Variants in SLC7A5 observed in about 807,000 individuals in gnomAD.
SLC7A5 encodes large neutral amino acids transporter small subunit 1.
SLC7A5 carries 23 observed loss-of-function variants against 50.2 expected under a neutral mutation model. The ratio of observed to expected loss-of-function variants is 0.46; its 90% CI spans 0.33 to 0.65. The LOEUF (loss-of-function observed/expected upper bound fraction) is 0.65, where lower values mean the gene tolerates loss of function less well. Ranked by LOEUF, SLC7A5 falls within the 30% of genes least tolerant of loss-of-function variation. SLC7A5 has a pLI of 0.02. For missense variants in SLC7A5, 578 were observed against 684.4 expected (o/e 0.84, Z 1.73); for synonymous variants, 393 against 330.6 (o/e 1.19, Z -2.05).
intron 1 of SLC7A5, among the ~76,000 whole-genome samples, chr16:87,859,197 G>T (rs536841831): frequency 6.6e-6 from 1 of 152,236 alleles, no homozygotes; most frequent in South Asian, 2.1e-4. Flanking sequence ...CAGCTTGAGG[G>T]ACTCAGAGCT....
intron 2 of SLC7A5, among the ~76,000 whole-genome samples, chr16:87,842,890 T>C (rs1052691939): frequency 1.3e-5 from 2 of 148,452 alleles, no homozygotes; most frequent in Non-Finnish European, 3.0e-5. Context: ...CTGGCCTCTC[T>C]CCCATCTGCT....
rs765704290 is a variant in SLC7A5, at chr16:87,838,821, G to A, written c.940-4C>T. The A allele has an allele frequency of 1.9e-6, 3 of 1,612,110 alleles. No homozygotes were observed. The highest frequency in any genetic ancestry group is 1.3e-5 in the African/African-American group (1 of 74,898). On this transcript the variant is annotated splice_region_variant and splice_polypyrimidine_tract_variant and intron_variant, in intron 5 of 9. Transcript: ENST00000261622. ...CCAGGTGATAGTTCCCGAAGTCCTA[G>A]GCAGGCACAACCAGTGAGCTGGGCC...
intron 1 of SLC7A5, among the ~76,000 whole-genome samples, chr16:87,867,399 G>A (rs1002038210): frequency 6.6e-6 from 1 of 152,208 alleles, no homozygotes; most frequent in African/African-American, 2.4e-5. Flanking sequence ...CAGCTGGAAG[G>A]CACAGGCTCT....
rs941088805 is a variant in SLC7A5 at position 87,862,480 on chromosome 16, G to A, written c.538+6405C>T. Among the ~76,000 whole-genome samples, 3 of 152,250 alleles carry A rather than the reference G, an allele frequency of 2.0e-5. No individual in the cohort carries two copies. Among genetic ancestry groups the A allele is most frequent in the African/African-American group, 7.2e-5 (3 of 41,452 alleles). Reference sequence around the variant, plus strand: ...AGCCCCCCGACCCTGGGCCTGTGCCGAGCGTGGGTGGGTGACATCATCTCG... The same window carrying A: ...AGCCCCCCGACCCTGGGCCTGTGCCAAGCGTGGGTGGGTGACATCATCTCG... On this transcript the variant is annotated intron_variant, in intron 1 of 9. Transcript: ENST00000261622. This position sits in a 1 kb window ranked among gnomAD's most constrained non-coding sequence, Gnocchi z 5.3.
chr16:87,865,936 G>A (rs932849555), intron 1 of SLC7A5, among the ~76,000 whole-genome samples: 3 of 152,166 alleles, frequency 2.0e-5, no homozygotes, highest in Non-Finnish European at 2.9e-5. Flanking sequence ...CAGGAGAATC[G>A]TTTAAACCCA....
intron 2 of SLC7A5, among the ~76,000 whole-genome samples, chr16:87,845,461 GCAGAGTCCACGCCCACCCCA>G (rs1476140067): frequency 1.8e-4 from 25 of 140,970 alleles, no homozygotes; most frequent in African/African-American, 6.0e-4. Context: ...CCCACTCCAG[GCAGAGTCCACGCCCACCCCA>G]CAGAGTCCAC....
chr16:87,866,204 C>A (rs1413198842), intron 1 of SLC7A5, among the ~76,000 whole-genome samples: 1 of 151,986 alleles, frequency 6.6e-6, no homozygotes. Context: ...ATGGCAAAAC[C>A]ATTTTAGGCT....
intron 2 of SLC7A5, among the ~76,000 whole-genome samples, chr16:87,843,468 G>C (rs561920480): frequency 1.4e-5 from 2 of 145,484 alleles, no homozygotes; most frequent in South Asian, 4.4e-4. Context: ...GGCTGGTCCA[G>C]CTCTGCTTAA....
In SLC7A5 at chr16:87,843,695, G is replaced by A. The variant is rs534925290; in HGVS notation, c.665-2540C>T. 1.3e-4 allele frequency among the ~76,000 whole-genome samples: 20 copies of A among 152,294 alleles called. 1 individual carries two copies. In the South Asian group the frequency reaches 3.9e-3, roughly 30 times the overall value. On this transcript the variant is annotated intron_variant, in intron 2 of 9. Coordinates refer to ENST00000261622, the MANE Select transcript of SLC7A5 (RefSeq NM_003486.7). ...CACACCGGGAGACCTGGGCTGTCAC[G>A]ACGGCGGGGTGCGGCGCTACTGGCA...
intron 1 of SLC7A5, among the ~76,000 whole-genome samples, chr16:87,854,231 G>A (rs1041303687): frequency 5.9e-5 from 9 of 152,106 alleles, no homozygotes; most frequent in African/African-American, 1.4e-4. Context: ...GGCGGGGGCC[G>A]GGTCTTGAAG....
At position 87,869,411 on chromosome 16, in the gene SLC7A5, C is replaced by G; in HGVS notation, c.12G>C (p.Ala4=). MAG[A]GPKRRALAAP... ...CCGCTAGCGCGCGCCGCTTCGGGCCCGCACCCGCCATGCTCTGCGCACCGG... is the reference window on the plus strand; with the variant it reads ...CCGCTAGCGCGCGCCGCTTCGGGCCGGCACCCGCCATGCTCTGCGCACCGG... The change falls in exon 1 of 10, where the codon GCG becomes GCC. Residue 4 remains alanine (A), a synonymous_variant. Transcript: ENST00000261622. 2.7e-6 allele frequency: 4 copies of G among 1,494,976 alleles called. No homozygotes were observed. The highest frequency in any genetic ancestry group is 1.3e-5 in the South Asian group (1 of 75,210). 92.6% of individuals were successfully genotyped at this position (1,494,976 alleles called of 1,614,324 possible).
rs1221887052 is a variant in SLC7A5 at position 87,833,445 on chromosome 16, G to C, written c.1469-420C>G. Among the ~76,000 whole-genome samples, 1 of 152,220 alleles carries C rather than the reference G, an allele frequency of 6.6e-6. No homozygotes were observed. Among genetic ancestry groups the C allele is most frequent in the Non-Finnish European group, 1.5e-5 (1 of 68,032 alleles). On this transcript the variant is annotated intron_variant, in intron 9 of 9. Coordinates refer to ENST00000261622, the MANE Select transcript of SLC7A5 (RefSeq NM_003486.7). This position sits in a 1 kb window ranked among gnomAD's most constrained non-coding sequence, Gnocchi z 6.0. ...GGCCGGAGGGGCCAATCTGCTAACGGGTCCTCGGAAGACCTGTCGCGCCTG... is the reference window on the plus strand; with the variant it reads ...GGCCGGAGGGGCCAATCTGCTAACGCGTCCTCGGAAGACCTGTCGCGCCTG...
intron 8 of SLC7A5, among the ~76,000 whole-genome samples, chr16:87,835,255 C>T (rs914334548): frequency 6.6e-6 from 1 of 152,252 alleles, no homozygotes; most frequent in Non-Finnish European, 1.5e-5. Context: ...CCCCAGGGAA[C>T]AGACGCCAAC....
In SLC7A5 at chr16:87,833,779, G is replaced by A. The variant is rs1049444942; in HGVS notation, c.1468+635C>T. On this transcript the variant is annotated intron_variant, in intron 9 of 9. Transcript: ENST00000261622. The surrounding 1 kb of genome is among the most constrained non-coding windows in gnomAD (Gnocchi z 6.0). ...GGCCACATTTGCAGGCGCTGAGGAC[G>A]GGGTCCTGAGCTTGGTGACAAAGCA... Among the ~76,000 whole-genome samples the A allele has an allele frequency of 6.6e-6, 1 of 151,862 alleles. No individual in the cohort carries two copies. The highest frequency in any genetic ancestry group is 1.5e-5 in the Non-Finnish European group (1 of 67,968).
At chr16:87,856,663 C>T (rs995462398) in intron 1 of SLC7A5, among the ~76,000 whole-genome samples, 4 of 152,248 alleles carry the variant, frequency 2.6e-5, no homozygotes, top group African/African-American at 9.6e-5. Context: ...ACTCGGTACG[C>T]ACAGGGCCCC....
In SLC7A5 at chr16:87,838,743, G is replaced by A. The variant is rs111715445; in HGVS notation, c.1014C>T (p.Ser338=). 1.2e-5 allele frequency: 19 copies of A among 1,614,012 alleles called. No homozygotes were observed. The highest frequency in any genetic ancestry group is 5.5e-5 in the South Asian group (5 of 91,090). ...PVFVGLSCFG[S]VNGSLFTSSR... ...AGGATGTGAACAGGGACCCATTGAC[G>A]GAGCCGAAGCAGGACAGGCCCACGA... The change falls in exon 6 of 10, where the codon TCC becomes TCT. Residue 338 remains serine (S), a synonymous_variant. Transcript: ENST00000261622.
intron 1 of SLC7A5, among the ~76,000 whole-genome samples, chr16:87,866,939 C>CT (rs1171244210): frequency 1.3e-3 from 195 of 145,226 alleles, no homozygotes; most frequent in East Asian, 8.8e-3. Context: ...CCAGGGGCTG[C>CT]TTTTTTTTTT....
intron 7 of SLC7A5, among the ~76,000 whole-genome samples, chr16:87,837,193 T>C (rs2055017936): frequency 6.6e-6 from 1 of 152,186 alleles, no homozygotes; most frequent in Middle Eastern, 3.2e-3. Flanking sequence ...AGACCCCAGC[T>C]TCCTCTGCTG....
At chr16:87,866,353 G>C (rs1421468891) in intron 1 of SLC7A5, among the ~76,000 whole-genome samples, 1 of 152,220 alleles carries the variant, frequency 6.6e-6, no homozygotes, top group African/African-American at 2.4e-5. Flanking sequence ...GGTAAAGGAG[G>C]AGAAATGTGT....
Sources: gnomAD v4.1 joint callset for allele counts (sites outside exome capture counted in the v4.1 genomes callset) on GRCh38, gnomAD v4.1.1 for gene constraint, Gnocchi (gnomAD v3.1) non-coding constraint, MANE v1.5 for transcripts, NCBI Gene and HGNC (gene_info 2026-07-23, HGNC 2026-07-21) for gene names.